MARCHF11: variants seen among roughly 807,000 people sequenced by gnomAD.
The protein encoded by MARCHF11 is membrane associated ring-CH-type finger 11.
A neutral mutation model predicts 37.3 loss-of-function variants in MARCHF11; 29 were observed. The ratio of observed to expected loss-of-function variants is 0.78; its 90% CI spans 0.58 to 1.06. The LOEUF (loss-of-function observed/expected upper bound fraction) is 1.06, where lower values mean the gene tolerates loss of function less well. MARCHF11 is among the 50% of genes least tolerant of loss of function. The pLI is 0.00. For synonymous variants in MARCHF11, 233 were observed against 228.0 expected (o/e 1.02, Z -0.20); for missense variants, 482 against 533.4 (o/e 0.90, Z 0.95).
intron 2 of MARCHF11, among the ~76,000 whole-genome samples, chr5:16,140,635 CT>C (rs1474419323): frequency 6.6e-6 from 1 of 152,116 alleles, no homozygotes; most frequent in Non-Finnish European, 1.5e-5. Flanking sequence ...CACCAACCCC[CT>C]ACAAAGACAG....
chr5:16,152,129 T>C (rs1737899701), intron 2 of MARCHF11, among the ~76,000 whole-genome samples: 1 of 151,974 alleles, frequency 6.6e-6, no homozygotes, highest in Non-Finnish European at 1.5e-5. Flanking sequence ...ATTTTATTTC[T>C]ATTTTACTCT....
intron 2 of MARCHF11, among the ~76,000 whole-genome samples, chr5:16,104,700 G>C (rs1737009459): frequency 6.6e-6 from 1 of 151,878 alleles, no homozygotes; most frequent in South Asian, 2.1e-4. Flanking sequence ...AAAAGTTCAG[G>C]TTTTTTTGTT....
At chr5:16,128,491 G>A (rs911759438) in intron 2 of MARCHF11, among the ~76,000 whole-genome samples, 2 of 152,178 alleles carry the variant, frequency 1.3e-5, no homozygotes, top group Admixed American at 1.3e-4. Context: ...AACCCCTAGG[G>A]ATACCCAGAA....
At chr5:16,118,330 G>A (rs916940840) in intron 2 of MARCHF11, among the ~76,000 whole-genome samples, 7 of 152,180 alleles carry the variant, frequency 4.6e-5, no homozygotes, top group African/African-American at 1.7e-4. Flanking sequence ...CTCCTTCACT[G>A]CTGGATGCAG....
chr5:16,099,310 A>G (rs2126562282), intron 2 of MARCHF11, among the ~76,000 whole-genome samples: 1 of 152,308 alleles, frequency 6.6e-6, no homozygotes, highest in East Asian at 1.9e-4. Context: ...GTATGGAGAT[A>G]TATTTAGTGT....
At chr5:16,078,237 T>C (rs6870921) in intron 3 of MARCHF11, among the ~76,000 whole-genome samples, 3,590 of 152,214 alleles carry the variant, frequency 0.024, 138 homozygotes, top group African/African-American at 0.082. Flanking sequence ...CTTGGGGAAA[T>C]TGCTTCATCT....
chr5:16,115,817 G>C (rs1737218986), intron 2 of MARCHF11, among the ~76,000 whole-genome samples: 1 of 151,908 alleles, frequency 6.6e-6, no homozygotes, highest in Non-Finnish European at 1.5e-5. Context: ...AGTAGAGATG[G>C]GGTTTCACCA....
Position 16,090,875 on chromosome 5 carries a change from G to A in MARCHF11, c.886+14C>T, listed in dbSNP as rs1736780094. On this transcript the variant is annotated intron_variant, in intron 3 of 3. Coordinates refer to ENST00000332432, the MANE Select transcript of MARCHF11 (RefSeq NM_001102562.3). ...TTACTGACAGTGTGTTAACGTTGAA[G>A]GTCATGGTCTTACCTATGCACACTA... 1 of 1,498,960 alleles carries A rather than the reference G, an allele frequency of 6.7e-7. No individual in the cohort carries two copies. 92.9% of individuals were successfully genotyped at this position (1,498,960 alleles called of 1,614,324 possible).
intron 2 of MARCHF11, among the ~76,000 whole-genome samples, chr5:16,115,021 C>A (rs761901688): frequency 6.6e-6 from 1 of 151,800 alleles, no homozygotes; most frequent in Non-Finnish European, 1.5e-5. Flanking sequence ...CAGGCTGCTA[C>A]GATTATTTCA....
intron 2 of MARCHF11, among the ~76,000 whole-genome samples, chr5:16,103,111 GAA>G (rs746011063): frequency 7.4e-6 from 1 of 135,680 alleles, no homozygotes. Flanking sequence ...TGCCCAGGCA[GAA>G]AAAAAAAAAA....
intron 2 of MARCHF11, among the ~76,000 whole-genome samples, chr5:16,173,115 C>A (rs1738298060): frequency 6.6e-6 from 1 of 152,186 alleles, no homozygotes; most frequent in Non-Finnish European, 1.5e-5. Flanking sequence ...AAAGCCTAAT[C>A]CCTGAAAAGG....
intron 3 of MARCHF11, among the ~76,000 whole-genome samples, chr5:16,075,216 G>C (rs529131726): frequency 6.6e-6 from 1 of 152,154 alleles, no homozygotes; most frequent in Non-Finnish European, 1.5e-5. Flanking sequence ...CTCTGCTCTT[G>C]CACAAACTTC....
chr5:16,127,543 G>A lies in MARCHF11; in HGVS notation c.694-36462C>T, dbSNP rs150106311. Among the ~76,000 whole-genome samples the A allele has an allele frequency of 1.4e-3, 206 of 152,292 alleles. 3 individuals are homozygous for A. The highest frequency in any genetic ancestry group is 4.8e-3 in the African/African-American group (200 of 41,572). On this transcript the variant is annotated intron_variant, in intron 2 of 3. Transcript: ENST00000332432. ...CAAGGCATATCTGAAGAGATCTGGT[G>A]AACCGCCTGGGTCAACACAGTAGAA... is the stretch of plus-strand genomic sequence containing the variant.
chr5:16,117,146 C>G (rs1737238056), intron 2 of MARCHF11, among the ~76,000 whole-genome samples: 1 of 152,176 alleles, frequency 6.6e-6, no homozygotes, highest in Non-Finnish European at 1.5e-5. Flanking sequence ...ATGAGTTTGG[C>G]AGTAGCTCTA....
At chr5:16,104,277 T>A (rs754036669) in intron 2 of MARCHF11, among the ~76,000 whole-genome samples, 2 of 152,076 alleles carry the variant, frequency 1.3e-5, no homozygotes, top group Non-Finnish European at 2.9e-5. Flanking sequence ...TTTCCCCTTA[T>A]CCCTCCTCCT....
chr5:16,166,431 A>G (rs1738169520), intron 2 of MARCHF11, among the ~76,000 whole-genome samples: 1 of 139,748 alleles, frequency 7.2e-6, no homozygotes, highest in Non-Finnish European at 1.5e-5. Context: ...ATGTCTATCA[A>G]TAGAGATAAA....
intron 2 of MARCHF11, among the ~76,000 whole-genome samples, chr5:16,174,182 T>G (rs936867601): frequency 2.6e-5 from 4 of 152,222 alleles, no homozygotes; most frequent in African/African-American, 9.6e-5. Flanking sequence ...GTCCACGCAT[T>G]TCACTAATTT....
At chr5:16,131,915 T>C (rs551375819) in intron 2 of MARCHF11, among the ~76,000 whole-genome samples, 15 of 152,236 alleles carry the variant, frequency 9.9e-5, no homozygotes, top group Non-Finnish European at 1.8e-4. Context: ...AATAATTAAG[T>C]AGCAGGTGCT....
rs370398310 is a variant in MARCHF11, at chr5:16,067,445, C to T, written c.*26G>A. ...TACATTGCAAAATGTGCAGGGTGGT[C>T]CACACTGCATCATCTTATGCTTTTG... On this transcript the variant is annotated 3_prime_UTR_variant, in exon 4 of 4. Transcript: ENST00000332432. The T allele has an allele frequency of 4.4e-6, 7 of 1,600,112 alleles. No homozygotes were observed. The Admixed American group carries it at 5.0e-5, about 11-fold the overall frequency.
Sources: gnomAD v4.1 joint callset for allele counts (sites outside exome capture counted in the v4.1 genomes callset) on GRCh38, gnomAD v4.1.1 for gene constraint, MANE v1.5 for transcripts, NCBI Gene and HGNC (gene_info 2026-07-23, HGNC 2026-07-21) for gene names.